Variants in CYP7B1 observed in about 807,000 individuals in gnomAD.
The protein encoded by CYP7B1 is cytochrome P450 7B1.
Under a neutral mutation model 42.7 loss-of-function variants are expected in CYP7B1, and 29 were observed. The observed-to-expected ratio is 0.68, with a 90% confidence interval of 0.51 to 0.93. The LOEUF is 0.93. CYP7B1 is among the 40% of genes least tolerant of loss of function. The pLI is 0.00. For synonymous variants in CYP7B1, 235 were observed against 218.2 expected (o/e 1.08, Z -0.68); for missense variants, 655 against 600.5 (o/e 1.09, Z -0.95).
At chr8:64,598,622 T>C (rs549092875) in intron 5 of CYP7B1, among the ~76,000 whole-genome samples, 1 of 152,302 alleles carries the variant, frequency 6.6e-6, no homozygotes, top group Admixed American at 6.5e-5. Flanking sequence ...GAAATCACCA[T>C]GGTTTTCTGG....
At chr8:64,785,622 T>A (rs904771374) in intron 1 of CYP7B1, among the ~76,000 whole-genome samples, 3 of 151,708 alleles carry the variant, frequency 2.0e-5, no homozygotes, top group Admixed American at 6.6e-5. Context: ...GCACACAACA[T>A]GACTCCAACC....
chr8:64,677,905 C>T (rs1260163548), intron 1 of CYP7B1, among the ~76,000 whole-genome samples: 1 of 151,982 alleles, frequency 6.6e-6, no homozygotes, highest in African/African-American at 2.4e-5. Flanking sequence ...CAGCTCATTG[C>T]TGTTCATGGT....
chr8:64,598,901 G>T (rs572859314), intron 5 of CYP7B1, among the ~76,000 whole-genome samples: 1 of 152,326 alleles, frequency 6.6e-6, no homozygotes, highest in Admixed American at 6.5e-5. Flanking sequence ...CCAACACCAA[G>T]TTCAAAGGGT....
rs187498461 is a variant in CYP7B1 at position 64,612,505 on chromosome 8, T to C, written c.1057+2521A>G. On this transcript the variant is annotated intron_variant, in intron 4 of 5. Transcript: ENST00000310193. ...TTTTAAAGAGAGATTCTCAAAAGCA[T>C]TGAAAAAAGGACAAATCTATCATAA... Among the ~76,000 whole-genome samples the C allele has an allele frequency of 8.1e-4, 123 of 152,210 alleles. 1 individual carries two copies. In the East Asian group the frequency reaches 0.021, roughly 26 times the overall value.
chr8:64,773,295 T>C (rs187352160), intron 1 of CYP7B1, among the ~76,000 whole-genome samples: 1 of 152,344 alleles, frequency 6.6e-6, no homozygotes, highest in Admixed American at 6.5e-5. Context: ...TCATCAGCTT[T>C]AATTTCTTCT....
At chr8:64,640,609 C>T (rs1805837996) in intron 1 of CYP7B1, among the ~76,000 whole-genome samples, 1 of 152,034 alleles carries the variant, frequency 6.6e-6, no homozygotes, top group African/African-American at 2.4e-5. Flanking sequence ...GAACAGGGTC[C>T]TGAAACTAAA....
intron 5 of CYP7B1, among the ~76,000 whole-genome samples, chr8:64,603,411 A>G (rs887414838): frequency 1.3e-5 from 2 of 152,228 alleles, no homozygotes; most frequent in Non-Finnish European, 2.9e-5. Context: ...TGATTTTACC[A>G]TCATGATATG....
At chr8:64,743,203 G>A (rs1240581305) in intron 1 of CYP7B1, among the ~76,000 whole-genome samples, 1 of 152,082 alleles carries the variant, frequency 6.6e-6, no homozygotes, top group Non-Finnish European at 1.5e-5. Flanking sequence ...GGGTTTCCCA[G>A]AGGGCTCCTG....
At chr8:64,603,960 C>A (rs1438781549) in intron 5 of CYP7B1, among the ~76,000 whole-genome samples, 1 of 152,214 alleles carries the variant, frequency 6.6e-6, no homozygotes, top group East Asian at 1.9e-4. Context: ...ACTGCAGCAA[C>A]ATTACTTCCT....
rs80261007 is a variant in CYP7B1, at chr8:64,790,627, C to T, written c.122+7839G>A. 6.7e-3 allele frequency among the ~76,000 whole-genome samples: 1,013 copies of T among 152,284 alleles called. 16 individuals are homozygous for T. Among genetic ancestry groups the T allele is most frequent in the African/African-American group, 0.023 (969 of 41,548 alleles). On this transcript the variant is annotated intron_variant, in intron 1 of 5. Transcript: ENST00000310193. ...CTTTCCATAAGGTCACAATGCCTGC[C>T]TAAATCATGAATTAATCAAAACGTT...
chr8:64,752,156 A>G (rs1807735458), intron 1 of CYP7B1, among the ~76,000 whole-genome samples: 2 of 151,664 alleles, frequency 1.3e-5, no homozygotes. Flanking sequence ...TACCTGATCC[A>G]TGATGTATGT....
chr8:64,757,984 C>T (rs1283946005), intron 1 of CYP7B1, among the ~76,000 whole-genome samples: 1 of 152,198 alleles, frequency 6.6e-6, no homozygotes, highest in Non-Finnish European at 1.5e-5. Context: ...CCATAACACA[C>T]CTTTGGACTG....
At chr8:64,674,428 G>A (rs1298158730) in intron 1 of CYP7B1, among the ~76,000 whole-genome samples, 3 of 152,100 alleles carry the variant, frequency 2.0e-5, no homozygotes, top group Non-Finnish European at 4.4e-5. Flanking sequence ...CTTGTTGGAT[G>A]TGATTTGCCT....
At chr8:64,639,193 G>A (rs1448388291) in intron 1 of CYP7B1, among the ~76,000 whole-genome samples, 1 of 151,882 alleles carries the variant, frequency 6.6e-6, no homozygotes, top group African/African-American at 2.4e-5. Flanking sequence ...ATAGCTTACA[G>A]ATAAGTCCTC....
chr8:64,683,366 A>C (rs918676490), intron 1 of CYP7B1, among the ~76,000 whole-genome samples: 8 of 152,224 alleles, frequency 5.3e-5, no homozygotes, highest in Non-Finnish European at 8.8e-5. Flanking sequence ...ACATATTCTT[A>C]CTTATTTGTG....
intron 1 of CYP7B1, among the ~76,000 whole-genome samples, chr8:64,680,749 TTTAAAA>T (rs1806524312): frequency 1.3e-5 from 2 of 152,326 alleles, no homozygotes; most frequent in South Asian, 2.1e-4. Flanking sequence ...TCTTCTGACT[TTTAAAA>T]TTAAAATTAA....
intron 1 of CYP7B1, among the ~76,000 whole-genome samples, chr8:64,724,339 G>T (rs1468519715): frequency 6.6e-6 from 1 of 151,982 alleles, no homozygotes; most frequent in South Asian, 2.1e-4. Context: ...TACAGACGGG[G>T]TTTCACCATG....
At chr8:64,694,456 CTCTGCATGAG>C (rs1357438302) in intron 1 of CYP7B1, among the ~76,000 whole-genome samples, 1 of 152,110 alleles carries the variant, frequency 6.6e-6, no homozygotes, top group Non-Finnish European at 1.5e-5. Flanking sequence ...AAAGTTGGAG[CTCTGCATGAG>C]TCTGAAAGGT....
At chr8:64,729,825 T>C (rs954646374) in intron 1 of CYP7B1, among the ~76,000 whole-genome samples, 15 of 152,348 alleles carry the variant, frequency 9.8e-5, no homozygotes, top group Non-Finnish European at 1.6e-4. Flanking sequence ...TCTTTTAATG[T>C]AAAGTTTCTT....
Sources: gnomAD v4.1 joint callset for allele counts (sites outside exome capture counted in the v4.1 genomes callset) on GRCh38, gnomAD v4.1.1 for gene constraint, MANE v1.5 for transcripts, NCBI Gene and HGNC (gene_info 2026-07-23, HGNC 2026-07-21) for gene names.